The following COLGALT2 variants were observed in gnomAD, a reference collection of about 807,000 sequenced individuals.
The protein encoded by COLGALT2 is collagen beta(1-O)galactosyltransferase 2.
COLGALT2 carries 49 observed loss-of-function variants against 73.4 expected under a neutral mutation model. That is an observed-to-expected ratio of 0.67 (90% CI 0.53 to 0.85). COLGALT2 has a LOEUF of 0.85. Ranked by LOEUF, COLGALT2 falls within the 40% of genes least tolerant of loss-of-function variation. The probability of loss-of-function intolerance (pLI) is 0.00; values close to 1 mark genes in which losing one functional copy is unlikely to be tolerated. For synonymous variants in COLGALT2, 295 were observed against 307.6 expected, an observed-to-expected ratio of 0.96 and a Z score of 0.43; for missense variants, 722 against 790.2, an observed-to-expected ratio of 0.91 and a Z score of 1.03.
intron 5 of COLGALT2, 68 bp downstream of exon 5, chr1:183,969,201 A>C: frequency 1.5e-6 from 2 of 1,343,736 alleles, no homozygotes; most frequent in Non-Finnish European, 1.0e-6. Flanking sequence ...AATAAAATGC[A>C]CAAAACAAAG....
intron 1 of COLGALT2, among the ~76,000 whole-genome samples, chr1:184,025,689 T>C (rs1204822936): frequency 6.6e-6 from 1 of 152,196 alleles, no homozygotes; most frequent in Admixed American, 6.5e-5. Context: ...GGGAGTTCAG[T>C]CATCATCAAG....
intron 1 of COLGALT2, among the ~76,000 whole-genome samples, chr1:184,014,820 T>C (rs867489403): frequency 6.6e-6 from 1 of 152,114 alleles, no homozygotes; most frequent in Non-Finnish European, 1.5e-5. Context: ...TTGAAATAAT[T>C]TTCATCCACT....
intron 9 of COLGALT2, among the ~76,000 whole-genome samples, chr1:183,944,687 TG>T (rs533640195): frequency 4.0e-5 from 6 of 150,650 alleles, no homozygotes; most frequent in Admixed American, 2.6e-4. Flanking sequence ...CAGTACGGGG[TG>T]GGGGGGTGCT....
chr1:183,959,599 C>T (rs114428670), intron 6 of COLGALT2, among the ~76,000 whole-genome samples: 2,194 of 152,066 alleles, frequency 0.014, 48 homozygotes, highest in African/African-American at 0.045. Context: ...TGCTAGAGCT[C>T]ACATCCCAAT....
intron 11 of COLGALT2, among the ~76,000 whole-genome samples, chr1:183,939,528 C>T (rs1452996442): frequency 6.6e-6 from 1 of 152,180 alleles, no homozygotes; most frequent in Middle Eastern, 3.2e-3. Context: ...ACTTGGCCTC[C>T]CTCTCAGGGC....
At chr1:183,962,529 CAGACACTCA>C (rs961282095) in intron 6 of COLGALT2, among the ~76,000 whole-genome samples, 5 of 152,102 alleles carry the variant, frequency 3.3e-5, no homozygotes, top group Admixed American at 2.6e-4. Flanking sequence ...AAATCACCCC[CAGACACTCA>C]AGACAGAACT....
chr1:184,035,993 C>T (rs999241838), intron 1 of COLGALT2, among the ~76,000 whole-genome samples: 4 of 152,228 alleles, frequency 2.6e-5, no homozygotes, highest in Non-Finnish European at 5.9e-5. Flanking sequence ...GCTTTTACTC[C>T]TCTTCCTCTC....
At chr1:183,951,134 GA>G in intron 7 of COLGALT2, 21 bp from the exon 8 acceptor site, 1 of 1,545,498 alleles carries the variant, frequency 6.5e-7, no homozygotes, top group Non-Finnish European at 8.9e-7. Context: ...AAGGAAAAGG[GA>G]AAAGACACAT....
intron 6 of COLGALT2, among the ~76,000 whole-genome samples, chr1:183,958,098 C>T (rs752252225): frequency 2.0e-5 from 3 of 152,118 alleles, no homozygotes; most frequent in Non-Finnish European, 4.4e-5. Flanking sequence ...AGCACATCCC[C>T]AAATTCTCTG....
chr1:183,972,749 G>C (rs1671078245), intron 4 of COLGALT2, among the ~76,000 whole-genome samples: 2 of 151,502 alleles, frequency 1.3e-5, no homozygotes, highest in Admixed American at 1.3e-4. Context: ...ACCCAGGCTG[G>C]AGCGCAGTGG....
chr1:184,034,214 C>A (rs778833160), intron 1 of COLGALT2, among the ~76,000 whole-genome samples: 4 of 152,072 alleles, frequency 2.6e-5, no homozygotes, highest in Non-Finnish European at 4.4e-5. Flanking sequence ...TGGAGACTTG[C>A]AGTCATTAGA....
intron 4 of COLGALT2, among the ~76,000 whole-genome samples, chr1:183,972,658 T>C (rs1375428579): frequency 6.6e-6 from 1 of 152,022 alleles, no homozygotes; most frequent in Non-Finnish European, 1.5e-5. Flanking sequence ...GGAAATAAAT[T>C]TGGCAACATA....
chr1:184,024,359 T>C (rs1031389807), intron 1 of COLGALT2, among the ~76,000 whole-genome samples: 31 of 149,524 alleles, frequency 2.1e-4, no homozygotes, highest in Non-Finnish European at 4.4e-4. Flanking sequence ...TTTTTCTTTT[T>C]CTTTTTTTTT....
chr1:183,972,149 A>G (rs12748175), intron 4 of COLGALT2, among the ~76,000 whole-genome samples: 23,696 of 152,192 alleles, frequency 0.16, 2,252 homozygotes, highest in Admixed American at 0.23. Context: ...TCAGTTGCTT[A>G]GGCTGCAGTG....
At chr1:183,934,388 C>T (rs1489784671), downstream of COLGALT2, among the ~76,000 whole-genome samples, 1 of 152,222 alleles carries the variant, frequency 6.6e-6, no homozygotes. Context: ...AGGGAAGCCC[C>T]TCATATGCCC....
intron 2 of COLGALT2, among the ~76,000 whole-genome samples, chr1:183,977,904 A>G (rs1671249710): frequency 6.6e-6 from 1 of 152,144 alleles, no homozygotes; most frequent in South Asian, 2.1e-4. Context: ...AGGAATTTCT[A>G]TGGTTAAGAT....
At chr1:184,021,144 C>T (rs1253402453) in intron 1 of COLGALT2, among the ~76,000 whole-genome samples, 1 of 152,104 alleles carries the variant, frequency 6.6e-6, no homozygotes, top group Non-Finnish European at 1.5e-5. Flanking sequence ...GAGGTTGGTG[C>T]TGTTACAGTT....
rs34873073 is a variant in COLGALT2, at chr1:183,962,154, C to CTTTTTTTTTTTTTTTTTTTTTTTTTTTT, written c.952+1746_952+1747insAAAAAAAAAAAAAAAAAAAAAAAAAAAA. Among the ~76,000 whole-genome samples the CTTTTTTTTTTTTTTTTTTTTTTTTTTTT allele has an allele frequency of 5.8e-5, 5 of 85,540 alleles. 1 individual carries two copies. Among genetic ancestry groups the CTTTTTTTTTTTTTTTTTTTTTTTTTTTT allele is most frequent in the Non-Finnish European group, 8.3e-5 (4 of 48,124 alleles). 56.1% of individuals were successfully genotyped at this position (85,540 alleles called of 152,430 possible). On this transcript the variant is annotated intron_variant, in intron 6 of 11. Transcript: ENST00000361927. Reference sequence around the variant, plus strand: ...TTTCTTTTCTTTTCTTTTTCTCTTTCTTTTTTTTTTTTTTTTTTTTTTTGA... The same window carrying CTTTTTTTTTTTTTTTTTTTTTTTTTTTT: ...TTTCTTTTCTTTTCTTTTTCTCTTTCTTTTTTTTTTTTTTTTTTTTTTTTTTTTTTTTTTTTTTTTTTTTTTTTTTTGA...
chr1:183,956,790 A>G (rs915961476), intron 6 of COLGALT2, among the ~76,000 whole-genome samples: 4 of 152,214 alleles, frequency 2.6e-5, no homozygotes, highest in Admixed American at 1.3e-4. Context: ...ACTGAGCAAA[A>G]ATATCAGAGA....
Sources: gnomAD v4.1 joint callset for allele counts (sites outside exome capture counted in the v4.1 genomes callset) on GRCh38, gnomAD v4.1.1 for gene constraint, MANE v1.5 for transcripts, NCBI Gene and HGNC (gene_info 2026-07-23, HGNC 2026-07-21) for gene names.